The following CNN1 variants were observed in gnomAD, a reference collection of about 807,000 sequenced individuals.
CNN1 encodes calponin 1.
Under a neutral mutation model 35.3 loss-of-function variants are expected in CNN1, and 21 were observed. That is an observed-to-expected ratio of 0.60 (90% CI 0.42 to 0.86). The LOEUF is 0.86. CNN1 is among the 40% of genes least tolerant of loss of function. The pLI is 0.00. For missense variants in CNN1, 314 were observed against 400.8 expected (o/e 0.78, Z 1.85); for synonymous variants, 164 against 161.8 (o/e 1.01, Z -0.10).
chr19:11,543,508 C>T (rs1972510749), intron 2 of CNN1, among the ~76,000 whole-genome samples: 1 of 146,446 alleles, frequency 6.8e-6, no homozygotes, highest in South Asian at 2.2e-4. Flanking sequence ...GGGCCGGGCG[C>T]GGTGACTCAC....
chr19:11,547,118 C>T (rs946326576), intron 4 of CNN1, 149 bp downstream of exon 4: 9 of 1,151,668 alleles, frequency 7.8e-6, no homozygotes, highest in Admixed American at 2.3e-5. Flanking sequence ...CCAAGGGGGC[C>T]GGGCGCGGTC....
chr19:11,547,867 C>G lies in CNN1; in HGVS notation c.461C>G (p.Pro154Arg). Residue 154 changes from proline to arginine, a missense_variant, in exon 5 of 7, where the codon CCG (proline) becomes CGG (arginine). Coordinates refer to ENST00000252456, the MANE Select transcript of CNN1 (RefSeq NM_001299.6). ...YAEKQERKFE[P>R]GKLREGRNII... ...GAGAAGCAGGAGCGGAAATTCGAGC[C>G]GGGGAAGCTAAGAGAAGGGCGGAAC... The G allele has an allele frequency of 6.2e-7, 1 of 1,613,942 alleles. No individual in the cohort carries two copies. The highest frequency in any genetic ancestry group is 1.1e-5 in the South Asian group (1 of 91,062).
chr19:11,539,910 A>T, intron 1 of CNN1: 1 of 1,128,086 alleles, frequency 8.9e-7, no homozygotes, highest in South Asian at 1.8e-5. Context: ...AGCCGCGCAG[A>T]GACGCCGCGC....
Position 11,546,820 on chromosome 19 carries a change from G to GC in CNN1, c.253-6dup, listed in dbSNP as rs1161095757. 1 of 1,613,978 alleles carries GC rather than the reference G, an allele frequency of 6.2e-7. No homozygotes were observed. Among genetic ancestry groups the GC allele is most frequent in the Admixed American group, 1.7e-5 (1 of 60,008 alleles). On this transcript the variant is annotated splice_polypyrimidine_tract_variant and intron_variant, in intron 3 of 6. Coordinates refer to ENST00000252456, the MANE Select transcript of CNN1 (RefSeq NM_001299.6). ...CCTCCCCACCCAGTGACCACCACCTGCCCCCCTCTAGCTGGAGAACATCGG... is the reference window on the plus strand; with the variant it reads ...CCTCCCCACCCAGTGACCACCACCTGCCCCCCCTCTAGCTGGAGAACATCGG...
At chr19:11,539,055 G>C in intron 1 of CNN1, 65 bp downstream of exon 1, 1 of 1,403,756 alleles carries the variant, frequency 7.1e-7, no homozygotes, top group Non-Finnish European at 9.5e-7. Flanking sequence ...CTGAGCTTGG[G>C]GTCCCTTGAA....
At chr19:11,541,231 C>T in intron 2 of CNN1, 34 bp downstream of exon 2, 1 of 1,524,348 alleles carries the variant, frequency 6.6e-7, no homozygotes, top group Non-Finnish European at 8.8e-7. Context: ...GACCCTGCAA[C>T]ATCCCCCAAC....
In CNN1 at chr19:11,550,072, C is replaced by G. The variant is rs79983076; in HGVS notation, c.*277C>G. On this transcript the variant is annotated 3_prime_UTR_variant, in exon 7 of 7. Transcript: ENST00000252456. ...ACTGAGCAACGCTATTCCAGCTGTC[C>G]CCCCACTCCCTCACAAGTGGGTACC... 6,290 of 351,310 alleles carry G rather than the reference C, an allele frequency of 0.018. 79 individuals are homozygous for G. The highest frequency in any genetic ancestry group is 0.023 in the Middle Eastern group (30 of 1,284). The allele number at this position is 351,310 out of a possible 1,614,324, so 21.8% of individuals were successfully genotyped here.
chr19:11,548,671 C>T (rs1181862411), intron 5 of CNN1, among the ~76,000 whole-genome samples: 1 of 151,978 alleles, frequency 6.6e-6, no homozygotes, highest in African/African-American at 2.4e-5. Flanking sequence ...AACCCTGTCA[C>T]TACCAAAAAT....
intron 2 of CNN1, among the ~76,000 whole-genome samples, chr19:11,543,192 T>C (rs2145032374): frequency 6.6e-6 from 1 of 152,166 alleles, no homozygotes; most frequent in East Asian, 1.9e-4. Flanking sequence ...CAAAACATTT[T>C]TGTTTTAATT....
rs1972396609 is a variant in CNN1 at position 11,538,870 on chromosome 19, C to T, written c.-58C>T. On this transcript the variant is annotated 5_prime_UTR_variant, in exon 1 of 7. Coordinates refer to ENST00000252456, the MANE Select transcript of CNN1 (RefSeq NM_001299.6). ...GAGTGTGCAGACGGAACTTCAGCCG[C>T]TGCCTCTGTTCTCAGCGTCAGTGCC... 1 of 1,408,232 alleles carries T rather than the reference C, an allele frequency of 7.1e-7. No individual in the cohort carries two copies. The highest frequency in any genetic ancestry group is 2.5e-5 in the Admixed American group (1 of 40,288). 87.2% of individuals were successfully genotyped at this position (1,408,232 alleles called of 1,614,324 possible). A position where few individuals can be genotyped will look rare whatever the true frequency, so the allele number is the denominator to read the frequency against.
intron 5 of CNN1, 21 bp downstream of exon 5, chr19:11,547,928 C>T (rs749395259): frequency 1.6e-5 from 25 of 1,599,200 alleles, no homozygotes; most frequent in Admixed American, 1.5e-4. Flanking sequence ...GTCCTCACTG[C>T]GCAGAGGTCA....
At chr19:11,539,983 C>G in intron 1 of CNN1, 1 of 1,062,004 alleles carries the variant, frequency 9.4e-7, no homozygotes, top group African/African-American at 1.7e-5. Flanking sequence ...CTTTATAAAG[C>G]CGGGCTGGTG....
At chr19:11,547,703 ACT>A in intron 4 of CNN1, 92 bp from the exon 5 acceptor site, 1 of 980,172 alleles carries the variant, frequency 1.0e-6, no homozygotes, top group Non-Finnish European at 1.5e-6. Context: ...ACAGAGCGAG[ACT>A]CTGTGTCAAC....
Position 11,547,891 on chromosome 19 carries a change from A to C in CNN1, c.485A>C (p.Asn162Thr). The change falls in exon 5 of 7, where the codon AAC (asparagine) becomes ACC (threonine). Residue 162 changes from asparagine to threonine, a missense_variant. Physicochemically the swap from Asn to Thr is moderately conservative, Grantham distance 65. Coordinates refer to ENST00000252456, the MANE Select transcript of CNN1 (RefSeq NM_001299.6). ...FEPGKLREGR[N>T]IIGLQMGTNK... ...CCGGGGAAGCTAAGAGAAGGGCGGA[A>C]CATCATTGGGCTGCAGGTACCGCCC... 6.2e-7 allele frequency: 1 copy of C among 1,613,832 alleles called. No individual in the cohort carries two copies. Among genetic ancestry groups the C allele is most frequent in the Non-Finnish European group, 8.5e-7 (1 of 1,179,850 alleles).
rs1599613413 is a variant in CNN1 at position 11,549,970 on chromosome 19, G to A, written c.*175G>A. On this transcript the variant is annotated 3_prime_UTR_variant, in exon 7 of 7. Coordinates refer to ENST00000252456, the MANE Select transcript of CNN1 (RefSeq NM_001299.6). This position sits in a 1 kb window ranked among gnomAD's most constrained non-coding sequence, Gnocchi z 5.2. ...CAGACTGGCGGGGGGCCCATTGGGG[G>A]GAAGGGGACCCTCCGCTCTGTAGTG... 1.0e-6 allele frequency: 1 copy of A among 962,588 alleles called. No individual in the cohort carries two copies. Among genetic ancestry groups the A allele is most frequent in the Non-Finnish European group, 1.5e-6 (1 of 663,710 alleles). The allele number at this position is 962,588 out of a possible 1,614,324, so 59.6% of individuals were successfully genotyped here.
chr19:11,539,582 G>A (rs1568412497), intron 1 of CNN1: 3 of 943,138 alleles, frequency 3.2e-6, no homozygotes, highest in Non-Finnish European at 1.4e-6. Context: ...ACAGCGCTCG[G>A]ACCCTGGACT....
chr19:11,545,015 A>G (rs1045318825), intron 2 of CNN1, among the ~76,000 whole-genome samples: 24 of 152,146 alleles, frequency 1.6e-4, no homozygotes, highest in Admixed American at 1.2e-3. Context: ...CCTGACCAAC[A>G]TGGTGAAACC....
At chr19:11,547,008 G>A in intron 4 of CNN1, 39 bp downstream of exon 4, 1 of 1,609,956 alleles carries the variant, frequency 6.2e-7, no homozygotes, top group Non-Finnish European at 8.5e-7. Flanking sequence ...GTGGTGGGCA[G>A]CCTGGGCTGG....
Position 11,550,211 on chromosome 19 carries a change from G to C in CNN1, c.*416G>C, listed in dbSNP as rs117822289. ...GCCCAGAGACCCAGCGGACACACGC[G>C]GTTTGGTTTGCAGCGACTGGCATAC... On this transcript the variant is annotated 3_prime_UTR_variant, in exon 7 of 7. Transcript: ENST00000252456. 30 of 183,716 alleles carry C rather than the reference G, an allele frequency of 1.6e-4. No homozygotes were observed. The East Asian group carries it at 4.0e-3, about 24-fold the overall frequency. The allele number at this position is 183,716 out of a possible 1,614,324, so 11.4% of individuals were successfully genotyped here. A position where few individuals can be genotyped will look rare whatever the true frequency, so the allele number is the denominator to read the frequency against.
Sources: gnomAD v4.1 joint callset for allele counts (sites outside exome capture counted in the v4.1 genomes callset) on GRCh38, gnomAD v4.1.1 for gene constraint, Gnocchi (gnomAD v3.1) non-coding constraint, MANE v1.5 for transcripts, NCBI Gene and HGNC (gene_info 2026-07-23, HGNC 2026-07-21) for gene names.